FBXL7: variants seen among roughly 807,000 people sequenced by gnomAD.
The protein encoded by FBXL7 is F-box/LRR-repeat protein 7.
A neutral mutation model predicts 38.3 loss-of-function variants in FBXL7; 12 were observed. The ratio of observed to expected loss-of-function variants is 0.31; its 90% CI spans 0.20 to 0.51. FBXL7 has a LOEUF of 0.51. FBXL7 is among the 20% of genes least tolerant of loss of function. The pLI, the probability that FBXL7 is intolerant of heterozygous loss-of-function variation, is 0.98. For synonymous variants in FBXL7, 297 were observed against 300.9 expected (o/e 0.99, Z 0.13); for missense variants, 567 against 676.4 (o/e 0.84, Z 1.79).
At chr5:15,713,681 T>TA (rs1255339903) in intron 2 of FBXL7, among the ~76,000 whole-genome samples, 1 of 152,206 alleles carries the variant, frequency 6.6e-6, no homozygotes, top group East Asian at 1.9e-4. Flanking sequence ...TAAATCTTAA[T>TA]AAAATCTTTG....
intron 2 of FBXL7, among the ~76,000 whole-genome samples, chr5:15,732,117 T>C (rs772013728): frequency 6.6e-6 from 1 of 152,244 alleles, no homozygotes; most frequent in East Asian, 1.9e-4. Context: ...AGACACGGTA[T>C]AAAATTTAGT....
chr5:15,740,772 G>A (rs1053586709), intron 2 of FBXL7, among the ~76,000 whole-genome samples: 1 of 152,158 alleles, frequency 6.6e-6, no homozygotes, highest in Non-Finnish European at 1.5e-5. Context: ...CAGGCAAAGG[G>A]AAAGAAAGGA....
At chr5:15,724,402 T>G (rs1399619293) in intron 2 of FBXL7, among the ~76,000 whole-genome samples, 1 of 152,150 alleles carries the variant, frequency 6.6e-6, no homozygotes, top group Non-Finnish European at 1.5e-5. Flanking sequence ...CATGATAAAT[T>G]TTGACATATG....
intron 2 of FBXL7, among the ~76,000 whole-genome samples, chr5:15,741,691 G>C (rs1019099267): frequency 2.0e-5 from 3 of 152,086 alleles, no homozygotes; most frequent in African/African-American, 7.2e-5. Context: ...AGGCAAAAAA[G>C]GAAGGAAAAT....
At chr5:15,932,832 AC>A (rs1742078160) in intron 3 of FBXL7, among the ~76,000 whole-genome samples, 1 of 152,074 alleles carries the variant, frequency 6.6e-6, no homozygotes, top group African/African-American at 2.4e-5. Flanking sequence ...GTTTCCAAAG[AC>A]CCCTGGGTGC....
intron 2 of FBXL7, among the ~76,000 whole-genome samples, chr5:15,679,558 GTTT>G (rs34375125): frequency 0.67 from 83,729 of 124,814 alleles, 26,373 homozygotes; most frequent in South Asian, 0.82. Flanking sequence ...ATGCTTCATT[GTTT>G]TTTTTTTTTT....
At chr5:15,845,008 G>A (rs188339995) in intron 2 of FBXL7, among the ~76,000 whole-genome samples, 104 of 152,260 alleles carry the variant, frequency 6.8e-4, no homozygotes, top group African/African-American at 2.4e-3. Context: ...CATAGGACAC[G>A]TCTCAGCCTC....
chr5:15,677,685 A>G (rs75670956), intron 2 of FBXL7, among the ~76,000 whole-genome samples: 4,334 of 152,230 alleles, frequency 0.028, 103 homozygotes, highest in East Asian at 0.052. Context: ...AAAATCATTG[A>G]TCAGAGTCAG....
intron 2 of FBXL7, among the ~76,000 whole-genome samples, chr5:15,901,453 TC>T (rs1741231847): frequency 6.6e-6 from 1 of 152,206 alleles, no homozygotes; most frequent in South Asian, 2.1e-4. Flanking sequence ...GAATCAGGTT[TC>T]AACACATGAA....
At chr5:15,787,646 A>C (rs903725712) in intron 2 of FBXL7, among the ~76,000 whole-genome samples, 3 of 152,104 alleles carry the variant, frequency 2.0e-5, no homozygotes, top group African/African-American at 7.2e-5. Flanking sequence ...GGAGAAACCT[A>C]CTCTTTCCAT....
At chr5:15,634,197 G>T (rs1033077515) in intron 2 of FBXL7, among the ~76,000 whole-genome samples, 2 of 152,052 alleles carry the variant, frequency 1.3e-5, no homozygotes, top group Non-Finnish European at 2.9e-5. Flanking sequence ...ACAGGAATTA[G>T]CAAGGTAATA....
In FBXL7 at chr5:15,842,580, G is replaced by C. The variant is rs550333489; in HGVS notation, c.128-85310G>C. Among the ~76,000 whole-genome samples the C allele has an allele frequency of 3.9e-5, 6 of 152,228 alleles. No homozygotes were observed. In the South Asian group the frequency reaches 1.2e-3, roughly 32 times the overall value. The stretch of plus-strand genomic sequence containing the variant: ...GAGGGTCCCAGGGTGTAATGATATG[G>C]TTTGGATGTGTCCCCACCCAAATCT... On this transcript the variant is annotated intron_variant, in intron 2 of 3. Transcript: ENST00000504595.
intron 2 of FBXL7, among the ~76,000 whole-genome samples, chr5:15,793,714 A>T (rs907411907): frequency 7.2e-5 from 11 of 152,304 alleles, no homozygotes; most frequent in Non-Finnish European, 1.5e-4. Flanking sequence ...TCTTATGATA[A>T]TAATTTGTTC....
intron 2 of FBXL7, among the ~76,000 whole-genome samples, chr5:15,741,981 G>A (rs565276542): frequency 6.6e-6 from 1 of 152,270 alleles, no homozygotes; most frequent in South Asian, 2.1e-4. Flanking sequence ...TTTTACTGAG[G>A]CAGAATGAGC....
At chr5:15,515,639 G>A (rs1233602046) in intron 1 of FBXL7, among the ~76,000 whole-genome samples, 1 of 152,172 alleles carries the variant, frequency 6.6e-6, no homozygotes, top group African/African-American at 2.4e-5. Flanking sequence ...AGCAGCAGAT[G>A]GTTATAGTTG....
intron 2 of FBXL7, among the ~76,000 whole-genome samples, chr5:15,765,445 A>G (rs752209540): frequency 6.6e-6 from 1 of 152,168 alleles, no homozygotes; most frequent in African/African-American, 2.4e-5. Flanking sequence ...AATGCCCAAG[A>G]TGTGCATCAC....
At chr5:15,518,197 G>A (rs1310959185) in intron 1 of FBXL7, among the ~76,000 whole-genome samples, 1 of 151,970 alleles carries the variant, frequency 6.6e-6, no homozygotes, top group Non-Finnish European at 1.5e-5. Flanking sequence ...CACCATGTTG[G>A]CCAGGCTAGT....
chr5:15,829,765 A>T (rs929109577), intron 2 of FBXL7, among the ~76,000 whole-genome samples: 7 of 152,198 alleles, frequency 4.6e-5, no homozygotes, highest in Non-Finnish European at 7.3e-5. Context: ...CTGCAGTGGG[A>T]TCATAACTTT....
At chr5:15,625,847 CA>C (rs1233993848) in intron 2 of FBXL7, among the ~76,000 whole-genome samples, 2 of 151,696 alleles carry the variant, frequency 1.3e-5, no homozygotes, top group Non-Finnish European at 2.9e-5. Context: ...TCTATGACAC[CA>C]AAAAAGTAGA....
Sources: allele counts gnomAD v4.1 joint callset (sites outside exome capture counted in the v4.1 genomes callset), GRCh38; gene constraint gnomAD v4.1.1; transcripts MANE v1.5; gene names NCBI Gene and HGNC (gene_info 2026-07-23, HGNC 2026-07-21).